DENND3: variants seen among roughly 807,000 people sequenced by gnomAD.
The protein encoded by DENND3 is DENN domain-containing protein 3.
A neutral mutation model predicts 135.1 loss-of-function variants in DENND3; 88 were observed. The ratio of observed to expected loss-of-function variants is 0.65; its 90% CI spans 0.55 to 0.78. The LOEUF is 0.78. Ranked by LOEUF, DENND3 falls within the 30% of genes least tolerant of loss-of-function variation. The probability of loss-of-function intolerance (pLI) is 0.00; values close to 1 mark genes in which losing one functional copy is unlikely to be tolerated. For synonymous variants in DENND3, 693 were observed against 712.3 expected, an observed-to-expected ratio of 0.97 and a Z score of 0.43; for missense variants, 1,392 against 1,688.4, an observed-to-expected ratio of 0.82 and a Z score of 3.08.
In DENND3 at chr8:141,175,170, A is replaced by ATACC; in HGVS notation, c.2276-28_2276-25dup. ...GGCTCCCGAGGTATGTGGCTGTAAG[A>ATACC]TACCTCTCTTTTCTTCTTATCAAAC... is the stretch of plus-strand genomic sequence containing the variant. On this transcript the variant is annotated intron_variant, in intron 13 of 22. Coordinates refer to ENST00000519811, the MANE Select transcript of DENND3 (RefSeq NM_001352890.3). This position sits in a 1 kb window ranked among gnomAD's most constrained non-coding sequence, Gnocchi z 5.4. 1.9e-6 allele frequency: 3 copies of ATACC among 1,596,154 alleles called. No individual in the cohort carries two copies. The highest frequency in any genetic ancestry group is 2.6e-6 in the Non-Finnish European group (3 of 1,170,008).
chr8:141,172,296 G>A (rs569302664), intron 13 of DENND3, among the ~76,000 whole-genome samples: 1 of 152,306 alleles, frequency 6.6e-6, no homozygotes, highest in East Asian at 1.9e-4. Context: ...GCACTGTCTT[G>A]TTCTGCTGCA....
chr8:141,131,912 A>G (rs865987194), intron 1 of DENND3, among the ~76,000 whole-genome samples: 3 of 152,086 alleles, frequency 2.0e-5, no homozygotes, highest in Non-Finnish European at 2.9e-5. Context: ...CAGGGCAGCC[A>G]CAACCTGTAT....
intron 1 of DENND3, among the ~76,000 whole-genome samples, chr8:141,132,175 G>C (rs911827245): frequency 2.0e-5 from 3 of 152,030 alleles, no homozygotes; most frequent in African/African-American, 7.3e-5. Context: ...ACAGCTAATG[G>C]AACCTGTTAT....
In DENND3 at chr8:141,163,420, T is replaced by C; in HGVS notation, c.1440T>C (p.Phe480=). The C allele has an allele frequency of 3.1e-6, 5 of 1,610,700 alleles. No homozygotes were observed. Among genetic ancestry groups the C allele is most frequent in the Non-Finnish European group, 2.5e-6 (3 of 1,176,994 alleles). The part of the protein sequence containing the change: ...LKTRAPGDHQ[F]YKQVLDTYMF... ...CCAGGGCTCCAGGGGACCATCAGTT[T>C]TATAAGCAGGTGAGAGCTGTGGGAT... is the stretch of plus-strand genomic sequence containing the variant. The change falls in exon 10 of 23, where the codon TTT becomes TTC. Residue 480 remains phenylalanine, a synonymous_variant. Coordinates refer to ENST00000519811, the MANE Select transcript of DENND3 (RefSeq NM_001352890.3).
chr8:141,192,990 G>C (rs1238520330), intron 22 of DENND3: 2 of 1,014,418 alleles, frequency 2.0e-6, no homozygotes, highest in Admixed American at 3.1e-5. Flanking sequence ...CGGGGGCTCG[G>C]GGGGAGCGTG....
Position 141,150,848 on chromosome 8 carries a change from G to A in DENND3, c.750G>A (p.Lys250=). ...GGTTGTCGTAGGTATTTAACATGAA[G>A]TCGCTCCAGATTGTGTTACCTGCCC... The part of the protein sequence containing the change: ...PGPLHLVFNM[K]SLQIVLPARA... The change falls in exon 6 of 23, where the codon AAG becomes AAA. Residue 250 remains lysine, a synonymous_variant. Transcript: ENST00000519811. The A allele has an allele frequency of 6.2e-7, 1 of 1,602,100 alleles. No individual in the cohort carries two copies. The highest frequency in any genetic ancestry group is 8.5e-7 in the Non-Finnish European group (1 of 1,176,206).
Position 141,192,636 on chromosome 8 carries a change from C to T in DENND3, c.3609C>T (p.Ile1203=). ...TGCCCCTCGAGGACTGCTCTGAGAT[C>T]AACTGCATGATCCGGGTGAAGAAGC... ...QRVPLEDCSE[I]NCMIRVKKQV... is the part of the protein sequence containing the mutation. The change falls in exon 22 of 23, where the codon ATC becomes ATT. Residue 1203 remains isoleucine, a synonymous_variant. Transcript: ENST00000519811. The T allele has an allele frequency of 6.2e-7, 1 of 1,606,064 alleles. No individual in the cohort carries two copies. The highest frequency in any genetic ancestry group is 8.5e-7 in the Non-Finnish European group (1 of 1,174,976).
intron 5 of DENND3, among the ~76,000 whole-genome samples, chr8:141,147,852 C>T (rs1030808938): frequency 6.6e-6 from 1 of 152,206 alleles, no homozygotes; most frequent in Non-Finnish European, 1.5e-5. Context: ...AGGGATGCCT[C>T]GGATTGCTGT....
rs187130279 is a variant in DENND3 at position 141,165,465 on chromosome 8, T to G, written c.1553+176T>G. On this transcript the variant is annotated intron_variant, in intron 11 of 22. Coordinates refer to ENST00000519811, the MANE Select transcript of DENND3 (RefSeq NM_001352890.3). ...CTTCTCTCCATGTTTCTACTTCTTC[T>G]TTTTTTTTTTTTTTTTGAGACGGAG... Among the ~76,000 whole-genome samples, 1,120 of 139,282 alleles carry G rather than the reference T, an allele frequency of 8.0e-3. 16 individuals carry two copies. Among genetic ancestry groups the G allele is most frequent in the African/African-American group, 0.029 (1,068 of 36,768 alleles). 91.4% of individuals were successfully genotyped at this position (139,282 alleles called of 152,430 possible). A position where few individuals can be genotyped will look rare whatever the true frequency, so the allele number is the denominator to read the frequency against.
chr8:141,154,396 C>T lies in DENND3; in HGVS notation c.1075-1453C>T, dbSNP rs1272978835. On this transcript the variant is annotated intron_variant, in intron 7 of 22. Transcript: ENST00000519811. This position sits in a 1 kb window ranked among gnomAD's most constrained non-coding sequence, Gnocchi z 4.4. ...GCCCATGCTCTGGTGCTTGGAGGGG[C>T]GGAGCTGGCTGGGGAGCTGAGCCAA... 6.6e-6 allele frequency among the ~76,000 whole-genome samples: 1 copy of T among 151,992 alleles called. No individual in the cohort carries two copies. Among genetic ancestry groups the T allele is most frequent in the Admixed American group, 6.6e-5 (1 of 15,252 alleles).
At chr8:141,134,501 T>C (rs1281049159) in intron 1 of DENND3, among the ~76,000 whole-genome samples, 1 of 152,012 alleles carries the variant, frequency 6.6e-6, no homozygotes, top group Non-Finnish European at 1.5e-5. Flanking sequence ...TTCACTGTGG[T>C]GTCGATCTCC....
At chr8:141,151,540 TG>T in intron 6 of DENND3, 78 bp from the exon 7 acceptor site, 1 of 1,381,144 alleles carries the variant, frequency 7.2e-7, no homozygotes, top group African/African-American at 1.4e-5. Flanking sequence ...CAGCCTGGGC[TG>T]GGCAACACAG....
intron 18 of DENND3, among the ~76,000 whole-genome samples, chr8:141,187,238 T>C (rs529930033): frequency 1.0e-3 from 152 of 151,244 alleles, no homozygotes; most frequent in African/African-American, 3.6e-3. Flanking sequence ...CCTAAGTATA[T>C]ATTAGGCATT....
chr8:141,172,190 T>C (rs929474218), intron 13 of DENND3, among the ~76,000 whole-genome samples: 1 of 148,920 alleles, frequency 6.7e-6, no homozygotes. Flanking sequence ...GTGTACACTG[T>C]GGTAGGTGTG....
chr8:141,142,015 G>A, intron 4 of DENND3: 1 of 240,372 alleles, frequency 4.2e-6, no homozygotes, highest in South Asian at 4.1e-5. Context: ...CCACACTCCA[G>A]CCTAGGTTAC....
chr8:141,156,069 A>G, intron 8 of DENND3, 99 bp downstream of exon 8: 2 of 1,401,620 alleles, frequency 1.4e-6, no homozygotes, highest in Non-Finnish European at 9.5e-7. Context: ...TAACTGATAG[A>G]TGTTTTATAT....
chr8:141,194,179 G>A lies in DENND3; in HGVS notation c.3783G>A (p.Val1261=). The change falls in exon 23 of 23, where the codon GTG becomes GTA. Residue 1261 remains valine (V), a synonymous_variant. Transcript: ENST00000519811. ...TGTGCTCGGCTGAGGACAGATACGT[G>A]CTGAGTGGGTCGGGCAGGGAGGAGG... The part of the protein sequence containing the change: ...RTLCSAEDRY[V]LSGSGREEGK... 1 of 1,613,642 alleles carries A rather than the reference G, an allele frequency of 6.2e-7. No individual in the cohort carries two copies. Among genetic ancestry groups the A allele is most frequent in the Non-Finnish European group, 8.5e-7 (1 of 1,179,982 alleles).
chr8:141,186,224 G>C (rs1174911682), intron 18 of DENND3, among the ~76,000 whole-genome samples: 1 of 152,162 alleles, frequency 6.6e-6, no homozygotes, highest in African/African-American at 2.4e-5. Context: ...TGAACCTGCA[G>C]TGTTTCCTGG....
chr8:141,155,833 A>G lies in DENND3; in HGVS notation c.1075-16A>G. On this transcript the variant is annotated splice_polypyrimidine_tract_variant and intron_variant, in intron 7 of 22. Transcript: ENST00000519811. ...ATTCTTTTATCAATCTTTACAGATG[A>G]TTCCTTGTTTTCTAGGAAGCCGACG... The G allele has an allele frequency of 6.3e-7, 1 of 1,577,238 alleles. No individual in the cohort carries two copies. Among genetic ancestry groups the G allele is most frequent in the Non-Finnish European group, 8.6e-7 (1 of 1,161,228 alleles).
Sources: allele counts gnomAD v4.1 joint callset (sites outside exome capture counted in the v4.1 genomes callset), GRCh38; gene constraint gnomAD v4.1.1; non-coding constraint Gnocchi (gnomAD v3.1); transcripts MANE v1.5; gene names NCBI Gene and HGNC (gene_info 2026-07-23, HGNC 2026-07-21).